The following CAMTA1 variants were observed in gnomAD, a reference collection of about 807,000 sequenced individuals.
The protein encoded by CAMTA1 is calmodulin binding transcription activator 1.
A neutral mutation model predicts 170.9 loss-of-function variants in CAMTA1; 27 were observed. That is an observed-to-expected ratio of 0.16 (90% CI 0.12 to 0.22). The LOEUF is 0.22. Ranked by LOEUF, CAMTA1 falls within the 10% of genes least tolerant of loss-of-function variation. The pLI is 1.00. For missense variants in CAMTA1, 1,619 were observed against 2,217.2 expected (o/e 0.73, Z 5.42); for synonymous variants, 833 against 891.5 (o/e 0.93, Z 1.17).
intron 4 of CAMTA1, among the ~76,000 whole-genome samples, chr1:7,121,366 A>G (rs951601695): frequency 2.0e-5 from 3 of 152,232 alleles, no homozygotes; most frequent in South Asian, 2.1e-4. Flanking sequence ...CCGATACACA[A>G]TGGGTGGATA....
At chr1:7,407,037 C>A (rs2090344690) in intron 5 of CAMTA1, among the ~76,000 whole-genome samples, 1 of 152,214 alleles carries the variant, frequency 6.6e-6, no homozygotes, top group African/African-American at 2.4e-5. Context: ...CCCGGCGGCA[C>A]ATGCAACCTT....
At chr1:6,811,645 G>C (rs1217977222) in intron 1 of CAMTA1, among the ~76,000 whole-genome samples, 1 of 152,220 alleles carries the variant, frequency 6.6e-6, no homozygotes, top group African/African-American at 2.4e-5. Context: ...TAGTTTTATA[G>C]TAATCAAGCT....
At chr1:7,368,541 A>T (rs1327488222) in intron 5 of CAMTA1, among the ~76,000 whole-genome samples, 2 of 152,272 alleles carry the variant, frequency 1.3e-5, no homozygotes, top group South Asian at 2.1e-4. Context: ...GAGTGAGCTC[A>T]CAGTCAGTGA....
intron 11 of CAMTA1, among the ~76,000 whole-genome samples, chr1:7,722,774 C>T (rs1374704854): frequency 6.6e-6 from 1 of 151,928 alleles, no homozygotes; most frequent in Admixed American, 6.6e-5. Context: ...TTACTTTCAT[C>T]ATCATTTGAT....
At chr1:7,366,301 C>T (rs34008264) in intron 5 of CAMTA1, among the ~76,000 whole-genome samples, 1 of 152,208 alleles carries the variant, frequency 6.6e-6, no homozygotes, top group African/African-American at 2.4e-5. Flanking sequence ...TCCTCATTGC[C>T]TGCCCTGTTC....
intron 9 of CAMTA1, among the ~76,000 whole-genome samples, chr1:7,669,534 G>A (rs1219520935): frequency 6.6e-6 from 1 of 152,226 alleles, no homozygotes; most frequent in Admixed American, 6.5e-5. Flanking sequence ...GGAGTTGGGG[G>A]GTAGGGAATC....
intron 1 of CAMTA1, among the ~76,000 whole-genome samples, chr1:6,792,670 C>T (rs554021139): frequency 2.0e-5 from 3 of 152,148 alleles, no homozygotes; most frequent in South Asian, 4.2e-4. Flanking sequence ...CCTCCATATT[C>T]AACCTCAGTG....
chr1:7,231,350 T>TGTGTGTGTGTGTGTGTGA (rs112268253), intron 4 of CAMTA1, among the ~76,000 whole-genome samples: 2 of 141,106 alleles, frequency 1.4e-5, no homozygotes, highest in Admixed American at 7.0e-5. Context: ...TGTGTGTGTG[T>TGTGTGTGTGTGTGTGTGA]GAGAGAGAGA....
At chr1:6,930,311 G>A (rs142141273) in intron 3 of CAMTA1, among the ~76,000 whole-genome samples, 279 of 152,176 alleles carry the variant, frequency 1.8e-3, no homozygotes, top group African/African-American at 6.4e-3. Context: ...ATTGTACACC[G>A]TCATATGCTG....
At position 7,007,005 on chromosome 1, in the gene CAMTA1, A is replaced by T. The variant is rs1297272565; in HGVS notation, c.235-84299A>T. ...CTTAACAAGAATGTCAGATGGTAGT[A>T]AAAAAAAAAAAAAAAAATAAGAATT... On this transcript the variant is annotated intron_variant, in intron 3 of 22. Transcript: ENST00000303635. This position sits in a 1 kb window ranked among gnomAD's most constrained non-coding sequence, Gnocchi z 4.5. 1.4e-5 allele frequency among the ~76,000 whole-genome samples: 2 copies of T among 140,504 alleles called. No homozygotes were observed. The highest frequency in any genetic ancestry group is 3.1e-5 in the Non-Finnish European group (2 of 63,572). The allele number at this position is 140,504 out of a possible 152,430, so 92.2% of individuals were successfully genotyped here. A position where few individuals can be genotyped will look rare whatever the true frequency, so the allele number is the denominator to read the frequency against.
Position 7,499,792 on chromosome 1 carries a change from T to A in CAMTA1, c.510+31891T>A, listed in dbSNP as rs1469691611. The stretch of plus-strand genomic sequence containing the variant: ...GTGAGTGTGTGTGTCCATGAGTGTG[T>A]GTGGAGAGGATTGTGTGAGCCTGGT... On this transcript the variant is annotated intron_variant, in intron 6 of 22. Transcript: ENST00000303635. Among the ~76,000 whole-genome samples the A allele has an allele frequency of 5.7e-5, 8 of 141,386 alleles. 1 individual carries two copies. The highest frequency in any genetic ancestry group is 1.4e-4 in the Admixed American group (2 of 14,226). The allele number at this position is 141,386 out of a possible 152,430, so 92.8% of individuals were successfully genotyped here.
chr1:6,919,402 C>A (rs1681511702), intron 3 of CAMTA1, among the ~76,000 whole-genome samples: 2 of 152,174 alleles, frequency 1.3e-5, no homozygotes, highest in Non-Finnish European at 2.9e-5. Context: ...ACAGCCATGA[C>A]CAGTGAGCTG....
At chr1:7,590,404 C>T (rs1412867791) in intron 6 of CAMTA1, among the ~76,000 whole-genome samples, 1 of 152,164 alleles carries the variant, frequency 6.6e-6, no homozygotes, top group Non-Finnish European at 1.5e-5. Flanking sequence ...AGTACTGGGA[C>T]CCTGTACTCA....
intron 3 of CAMTA1, among the ~76,000 whole-genome samples, chr1:6,885,754 TGA>T (rs1673029734): frequency 6.6e-6 from 1 of 152,184 alleles, no homozygotes; most frequent in Non-Finnish European, 1.5e-5. Flanking sequence ...CCCTTCCTGA[TGA>T]AGTGCAACAT....
intron 4 of CAMTA1, among the ~76,000 whole-genome samples, chr1:7,137,585 T>C (rs1645615552): frequency 6.6e-6 from 1 of 152,232 alleles, no homozygotes; most frequent in Non-Finnish European, 1.5e-5. Context: ...CAATGTCACA[T>C]GGCTCCCTCT....
At chr1:6,788,417 G>T (rs757660939) in intron 1 of CAMTA1, among the ~76,000 whole-genome samples, 1 of 152,106 alleles carries the variant, frequency 6.6e-6, no homozygotes, top group Non-Finnish European at 1.5e-5. Context: ...TGTGACTTCT[G>T]GACTTTGCCT....
At chr1:7,505,468 G>A (rs757598036) in intron 6 of CAMTA1, among the ~76,000 whole-genome samples, 4 of 152,114 alleles carry the variant, frequency 2.6e-5, no homozygotes, top group Non-Finnish European at 5.9e-5. Context: ...CCCTCTCCAC[G>A]GCCCCAGAGC....
chr1:6,792,242 G>A (rs1641322774), intron 1 of CAMTA1, among the ~76,000 whole-genome samples: 1 of 151,930 alleles, frequency 6.6e-6, no homozygotes, highest in African/African-American at 2.4e-5. Flanking sequence ...ACAGGCATGA[G>A]CCAATGTGCC....
intron 5 of CAMTA1, among the ~76,000 whole-genome samples, chr1:7,323,637 C>T (rs948546406): frequency 1.3e-5 from 2 of 151,600 alleles, no homozygotes; most frequent in Non-Finnish European, 1.5e-5. Flanking sequence ...ATTCTCCTGC[C>T]TCAGCCTCCT....
Sources: gnomAD v4.1 joint callset for allele counts (sites outside exome capture counted in the v4.1 genomes callset) on GRCh38, gnomAD v4.1.1 for gene constraint, Gnocchi (gnomAD v3.1) non-coding constraint, MANE v1.5 for transcripts, NCBI Gene and HGNC (gene_info 2026-07-23, HGNC 2026-07-21) for gene names.